Variants in FGD3 observed in about 807,000 individuals in gnomAD.
FGD3 encodes FYVE, RhoGEF and PH domain-containing protein 3.
FGD3 carries 45 observed loss-of-function variants against 71.8 expected under a neutral mutation model. That is an observed-to-expected ratio of 0.63 (90% confidence interval 0.49 to 0.80). The LOEUF is 0.80. Ranked by LOEUF, FGD3 falls within the 30% of genes least tolerant of loss-of-function variation. The probability of loss-of-function intolerance (pLI) is 0.00; values close to 1 mark genes in which losing one functional copy is unlikely to be tolerated. For missense variants in FGD3, 844 were observed against 951.5 expected, an observed-to-expected ratio of 0.89 and a Z score of 1.49; for synonymous variants, 378 against 392.8, an observed-to-expected ratio of 0.96 and a Z score of 0.44.
intron 1 of FGD3, among the ~76,000 whole-genome samples, chr9:92,954,349 A>C (rs1431239901): frequency 2.0e-5 from 3 of 152,160 alleles, no homozygotes; most frequent in Non-Finnish European, 4.4e-5. Context: ...GTCTTGTCAG[A>C]AGAATGAGAG....
intron 9 of FGD3, among the ~76,000 whole-genome samples, chr9:93,014,808 A>T (rs924062520): frequency 6.6e-6 from 1 of 151,888 alleles, no homozygotes; most frequent in East Asian, 2.0e-4. Flanking sequence ...CGCCCGGCTA[A>T]TTTTTGTATT....
In FGD3 at chr9:93,018,178, A is replaced by AT; in HGVS notation, c.1319dup (p.Thr441AsnfsTer49). 6.2e-7 allele frequency: 1 copy of AT among 1,614,216 alleles called. No homozygotes were observed. Among genetic ancestry groups the AT allele is most frequent in the Non-Finnish European group, 8.5e-7 (1 of 1,180,048 alleles). On this transcript the variant is annotated frameshift_variant, in exon 11 of 18. Coordinates refer to ENST00000375482, the MANE Select transcript of FGD3 (RefSeq NM_001083536.2). LOFTEE classifies it high-confidence loss of function. The stretch of plus-strand genomic sequence containing the variant: ...GCCAAACACAGCACATACATTCATC[A>AT]TAACAGGAAGAAAAAGGTCCCTGGA...
chr9:93,033,637 C>A (rs969363494), intron 16 of FGD3: 3 of 152,760 alleles, frequency 2.0e-5, no homozygotes, highest in African/African-American at 7.2e-5. Flanking sequence ...AAAAAGAAAA[C>A]GTGAGTTTCC....
chr9:93,007,641 G>C (rs951261789), intron 6 of FGD3, among the ~76,000 whole-genome samples: 7 of 152,168 alleles, frequency 4.6e-5, no homozygotes, highest in African/African-American at 1.7e-4. Context: ...TCTGCCTGGG[G>C]ACACTCGAGG....
At chr9:93,026,739 G>C (rs79553706) in intron 14 of FGD3, among the ~76,000 whole-genome samples, 34,182 of 152,194 alleles carry the variant, frequency 0.22, 4,017 homozygotes, top group African/African-American at 0.28. Flanking sequence ...AGCCCCGCAG[G>C]TACCTGTCCT....
Position 93,018,987 on chromosome 9 carries a change from A to G in FGD3, c.1355+772A>G, listed in dbSNP as rs1040020516. 2.6e-5 allele frequency among the ~76,000 whole-genome samples: 4 copies of G among 152,204 alleles called. No individual in the cohort carries two copies. The East Asian group carries it at 7.7e-4, about 29-fold the overall frequency. On this transcript the variant is annotated intron_variant, in intron 11 of 17. Transcript: ENST00000375482. ...CAGCCTCCTGGGTAGTTGGGATTACAGGCACCCGCCACCACGCCAGGCTAA... is the reference window on the plus strand; with the variant it reads ...CAGCCTCCTGGGTAGTTGGGATTACGGGCACCCGCCACCACGCCAGGCTAA...
intron 8 of FGD3, 35 bp downstream of exon 8, chr9:93,011,307 G>A (rs934592322): frequency 1.9e-6 from 3 of 1,613,596 alleles, no homozygotes; most frequent in Admixed American, 1.7e-5. Context: ...CCGGCAGGGT[G>A]GTGCAGCAAG....
chr9:93,021,116 G>C (rs7872199), intron 13 of FGD3, among the ~76,000 whole-genome samples: 60,637 of 152,090 alleles, frequency 0.4, 13,567 homozygotes, highest in African/African-American at 0.6. Flanking sequence ...CGCTGCCCGC[G>C]TACCACTCTG....
intron 14 of FGD3, among the ~76,000 whole-genome samples, chr9:93,027,127 T>C (rs979778707): frequency 5.3e-5 from 8 of 152,218 alleles, no homozygotes; most frequent in African/African-American, 1.9e-4. Context: ...TGCCGGGGGC[T>C]GCAGCACAGC....
At chr9:93,019,054 G>A (rs1034333801) in intron 11 of FGD3, among the ~76,000 whole-genome samples, 5 of 152,034 alleles carry the variant, frequency 3.3e-5, no homozygotes, top group Non-Finnish European at 7.4e-5. Flanking sequence ...TCACCATGTT[G>A]CCCAGGCTGG....
rs901766855 is a variant in FGD3 at position 93,015,801 on chromosome 9, G to A, written c.1247G>A (p.Arg416Gln). 1.9e-6 allele frequency: 3 copies of A among 1,614,112 alleles called. No homozygotes were observed. Among genetic ancestry groups the A allele is most frequent in the Non-Finnish European group, 2.5e-6 (3 of 1,180,008 alleles). The stretch of plus-strand genomic sequence containing the variant: ...CTCATGGGCCAGAAGTTCAGCGTCC[G>A]GGAGAAGATGGACATCTCAGGCCTC... ...LRLMGQKFSV[R>Q]EKMDISGLQV... The change falls in exon 10 of 18, where the codon CGG (arginine) becomes CAG (glutamine). Residue 416 changes from arginine to glutamine, a missense_variant. Physicochemically the swap from Arg to Gln is conservative, Grantham distance 43 (BLOSUM62 1). Coordinates refer to ENST00000375482, the MANE Select transcript of FGD3 (RefSeq NM_001083536.2).
chr9:93,027,452 TGTGTCCTC>T, intron 14 of FGD3, among the ~76,000 whole-genome samples: 1 of 152,296 alleles, frequency 6.6e-6, no homozygotes, highest in African/African-American at 2.4e-5. Context: ...TCTGTGTCTC[TGTGTCCTC>T]ATCTCTTCTT....
intron 3 of FGD3, among the ~76,000 whole-genome samples, chr9:92,992,519 A>AGTGGCAGACTGTTCTTTTAGCT (rs1481144583): frequency 1.3e-5 from 2 of 152,092 alleles, no homozygotes. Context: ...CCTGGGTTGG[A>AGTGGCAGACTGTTCTTTTAGCT]GTGGCAGACT....
chr9:92,988,470 C>G (rs757305396), intron 3 of FGD3, among the ~76,000 whole-genome samples: 1 of 152,218 alleles, frequency 6.6e-6, no homozygotes, highest in Non-Finnish European at 1.5e-5. Flanking sequence ...AGACCATCAC[C>G]TGATGATGGT....
intron 3 of FGD3, among the ~76,000 whole-genome samples, chr9:92,980,724 C>T (rs1245339439): frequency 6.6e-6 from 1 of 152,052 alleles, no homozygotes; most frequent in Non-Finnish European, 1.5e-5. Context: ...GTAATTCCAG[C>T]ACTTTGGGAG....
At chr9:92,970,007 G>A (rs1464557747) in intron 1 of FGD3, among the ~76,000 whole-genome samples, 3 of 152,194 alleles carry the variant, frequency 2.0e-5, no homozygotes, top group African/African-American at 7.2e-5. Context: ...TGGGTCAGCA[G>A]CTCCAGCCTT....
chr9:92,985,619 C>T (rs573428835), intron 3 of FGD3, among the ~76,000 whole-genome samples: 7 of 152,186 alleles, frequency 4.6e-5, no homozygotes, highest in Non-Finnish European at 7.4e-5. Flanking sequence ...TCTGGGATTA[C>T]GGGTGTCAGC....
At chr9:92,948,204 G>A (rs532740036) in intron 1 of FGD3, among the ~76,000 whole-genome samples, 1 of 151,582 alleles carries the variant, frequency 6.6e-6, no homozygotes, top group Admixed American at 6.6e-5. Flanking sequence ...ATGGCAACGG[G>A]GACCCCATGT....
chr9:92,966,628 G>T (rs1859337487), intron 1 of FGD3, among the ~76,000 whole-genome samples: 1 of 152,210 alleles, frequency 6.6e-6, no homozygotes, highest in African/African-American at 2.4e-5. Context: ...TCTGTATGAG[G>T]CCTCTGCCCA....
Sources: gnomAD v4.1 joint callset for allele counts (sites outside exome capture counted in the v4.1 genomes callset) on GRCh38, gnomAD v4.1.1 for gene constraint, MANE v1.5 for transcripts, NCBI Gene and HGNC (gene_info 2026-07-23, HGNC 2026-07-21) for gene names.